PLPP4: variants seen among roughly 807,000 people sequenced by gnomAD.
The protein encoded by PLPP4 is phospholipid phosphatase 4.
A neutral mutation model predicts 32.2 loss-of-function variants in PLPP4; 20 were observed. The observed-to-expected ratio is 0.62, with a 90% CI of 0.44 to 0.90. The LOEUF is 0.90. PLPP4 is among the 40% of genes least tolerant of loss of function. The pLI is 0.00. For synonymous variants in PLPP4, 127 were observed against 133.0 expected (o/e 0.95, Z 0.31); for missense variants, 257 against 353.1 (o/e 0.73, Z 2.18).
intron 2 of PLPP4, among the ~76,000 whole-genome samples, chr10:120,507,732 G>C (rs748570443): frequency 3.9e-5 from 6 of 152,164 alleles, no homozygotes; most frequent in Non-Finnish European, 7.3e-5. Flanking sequence ...GAGTTTGTTT[G>C]GAGTATCTAT....
Position 120,557,423 on chromosome 10 carries a change from C to T in PLPP4, c.446-17708C>T, listed in dbSNP as rs568127228. On this transcript the variant is annotated intron_variant, in intron 5 of 6. Transcript: ENST00000398250. Reference sequence around the variant, plus strand: ...ATCTGAGAAATCAATCAAGTGCCTCCGGAGAATGCCATGTCTTATTCTACT... The same window carrying T: ...ATCTGAGAAATCAATCAAGTGCCTCTGGAGAATGCCATGTCTTATTCTACT... 2.0e-5 allele frequency among the ~76,000 whole-genome samples: 3 copies of T among 152,250 alleles called. No individual in the cohort carries two copies. In the East Asian group the frequency reaches 5.8e-4, roughly 29 times the overall value.
chr10:120,461,492 C>T (rs1049096257), intron 1 of PLPP4, among the ~76,000 whole-genome samples: 22 of 152,322 alleles, frequency 1.4e-4, no homozygotes, highest in Non-Finnish European at 2.6e-4. Flanking sequence ...CCCTATCCCT[C>T]CCTGTCATTT....
intron 5 of PLPP4, among the ~76,000 whole-genome samples, chr10:120,544,470 C>T (rs565983140): frequency 2.0e-5 from 3 of 152,174 alleles, no homozygotes; most frequent in Non-Finnish European, 4.4e-5. Context: ...TCCTGCCCCG[C>T]AACACAGAGC....
At position 120,457,280 on chromosome 10, in the gene PLPP4, G is replaced by T. The variant is rs1181883494; in HGVS notation, c.-26G>T. 9.5e-6 allele frequency: 14 copies of T among 1,474,956 alleles called. No individual in the cohort carries two copies. Among genetic ancestry groups the T allele is most frequent in the African/African-American group, 1.5e-5 (1 of 68,834 alleles). 91.4% of individuals were successfully genotyped at this position (1,474,956 alleles called of 1,614,324 possible). A position where few individuals can be genotyped will look rare whatever the true frequency, so the allele number is the denominator to read the frequency against. On this transcript the variant is annotated 5_prime_UTR_variant, in exon 1 of 7. Coordinates refer to ENST00000398250, the MANE Select transcript of PLPP4 (RefSeq NM_001030059.3). ...GGAGCCGCGGAGAGCACCAGCTGAC[G>T]CCGCGGGAGCTGCTCCGGCCGCACC...
At chr10:120,519,016 T>C (rs1428471908) in intron 4 of PLPP4, 120 bp downstream of exon 4, 4 of 606,758 alleles carry the variant, frequency 6.6e-6, no homozygotes, top group Non-Finnish European at 1.1e-5. Context: ...CTTAAATTGT[T>C]GTCCTTCTGA....
chr10:120,584,621 A>G (rs976731502), intron 6 of PLPP4, among the ~76,000 whole-genome samples: 4 of 152,220 alleles, frequency 2.6e-5, no homozygotes, highest in Non-Finnish European at 5.9e-5. Context: ...TTTTCCCCCA[A>G]TAAGGGCTTT....
chr10:120,479,081 C>T (rs1190184493), intron 1 of PLPP4, among the ~76,000 whole-genome samples: 2 of 152,108 alleles, frequency 1.3e-5, no homozygotes, highest in Non-Finnish European at 2.9e-5. Flanking sequence ...AAAAAATTAG[C>T]CGGGCATGGT....
intron 5 of PLPP4, among the ~76,000 whole-genome samples, chr10:120,549,526 G>A (rs1847790983): frequency 6.6e-6 from 1 of 151,768 alleles, no homozygotes; most frequent in East Asian, 1.9e-4. Context: ...ATACAGATAA[G>A]GTAATAGGAT....
chr10:120,527,357 T>A (rs1846449557), intron 5 of PLPP4, among the ~76,000 whole-genome samples: 1 of 152,118 alleles, frequency 6.6e-6, no homozygotes, highest in Non-Finnish European at 1.5e-5. Flanking sequence ...TAGAACTCCT[T>A]CTTATCTGGG....
chr10:120,498,002 T>G (rs1351298599), intron 1 of PLPP4, among the ~76,000 whole-genome samples: 1 of 151,530 alleles, frequency 6.6e-6, no homozygotes, highest in Non-Finnish European at 1.5e-5. Context: ...ATCGCACCAC[T>G]GCACTCCAGC....
intron 1 of PLPP4, among the ~76,000 whole-genome samples, chr10:120,483,099 C>T (rs1443637197): frequency 6.6e-6 from 1 of 152,166 alleles, no homozygotes; most frequent in African/African-American, 2.4e-5. Context: ...TCATCTTTCT[C>T]CCATGCTGAA....
At chr10:120,502,792 T>C (rs994010996) in intron 1 of PLPP4, among the ~76,000 whole-genome samples, 2 of 152,188 alleles carry the variant, frequency 1.3e-5, no homozygotes, top group African/African-American at 2.4e-5. Flanking sequence ...TATAGGACTT[T>C]TGGTGCTAAA....
At chr10:120,534,911 A>G (rs1846939503) in intron 5 of PLPP4, among the ~76,000 whole-genome samples, 1 of 152,142 alleles carries the variant, frequency 6.6e-6, no homozygotes, top group Non-Finnish European at 1.5e-5. Flanking sequence ...TATAATGGCT[A>G]CTTTGAAGTC....
At chr10:120,559,875 A>C (rs1848338478) in intron 5 of PLPP4, among the ~76,000 whole-genome samples, 1 of 152,248 alleles carries the variant, frequency 6.6e-6, no homozygotes, top group Non-Finnish European at 1.5e-5. Context: ...CATCATTCGC[A>C]GTCAATAAAC....
intron 6 of PLPP4, among the ~76,000 whole-genome samples, chr10:120,583,336 A>T (rs33926218): frequency 0.07 from 10,603 of 151,852 alleles, 611 homozygotes; most frequent in African/African-American, 0.16. Flanking sequence ...TGCCAATGTT[A>T]TAGGTAAGGA....
intron 1 of PLPP4, among the ~76,000 whole-genome samples, chr10:120,499,397 T>C (rs901283945): frequency 2.6e-5 from 4 of 151,316 alleles, no homozygotes; most frequent in African/African-American, 9.8e-5. Flanking sequence ...GTAATTGGGG[T>C]TTTTGCCATG....
intron 5 of PLPP4, among the ~76,000 whole-genome samples, chr10:120,574,348 C>A (rs987262172): frequency 1.3e-4 from 20 of 151,866 alleles, no homozygotes; most frequent in Non-Finnish European, 2.2e-4. Context: ...TTGTTGTAAG[C>A]GCTTCCCAAC....
chr10:120,514,100 T>C (rs1261790419), intron 3 of PLPP4, 99 bp downstream of exon 3: 2 of 946,368 alleles, frequency 2.1e-6, no homozygotes, highest in Non-Finnish European at 3.4e-6. Context: ...TTTTTTTCTT[T>C]TGGTCAAATT....
In PLPP4 at chr10:120,590,025, C is replaced by T. The variant is rs7895024; in HGVS notation, c.*523C>T. On this transcript the variant is annotated 3_prime_UTR_variant, in exon 7 of 7. Transcript: ENST00000398250. Reference sequence around the variant, plus strand: ...CCACGTCTCTAAAATAGATTTGAAACTTGGAGTGACAGCTTGAGCATTTCC... The same window carrying T: ...CCACGTCTCTAAAATAGATTTGAAATTTGGAGTGACAGCTTGAGCATTTCC... 4.1e-3 allele frequency among the ~76,000 whole-genome samples: 620 copies of T among 152,294 alleles called. 2 individuals carry two copies. Among genetic ancestry groups the T allele is most frequent in the African/African-American group, 0.014 (587 of 41,560 alleles).
Sources: gnomAD v4.1 joint callset for allele counts (sites outside exome capture counted in the v4.1 genomes callset) on GRCh38, gnomAD v4.1.1 for gene constraint, MANE v1.5 for transcripts, NCBI Gene and HGNC (gene_info 2026-07-23, HGNC 2026-07-21) for gene names.